Variants in WWTR1 observed in about 807,000 individuals in gnomAD.
WWTR1 encodes the protein WW domain-containing transcription regulator protein 1.
A neutral mutation model predicts 40.1 loss-of-function variants in WWTR1; 13 were observed. That is an observed-to-expected ratio of 0.32 (90% CI 0.21 to 0.52). The LOEUF is 0.52. WWTR1 is among the 20% of genes least tolerant of loss of function. WWTR1 has a pLI of 0.97. For synonymous variants in WWTR1, 230 were observed against 210.1 expected, an observed-to-expected ratio of 1.09 and a Z score of -0.82; for missense variants, 436 against 523.1, an observed-to-expected ratio of 0.83 and a Z score of 1.63.
At chr3:149,658,892 C>T (rs1713428215), upstream of WWTR1, among the ~76,000 whole-genome samples, 1 of 152,164 alleles carries the variant, frequency 6.6e-6, no homozygotes, top group Non-Finnish European at 1.5e-5. Context: ...TGCCGCCCTC[C>T]GGGGAGCCTG....
At chr3:149,674,056 C>A (rs75892932) in intron 1 of WWTR1, among the ~76,000 whole-genome samples, 147 of 121,838 alleles carry the variant, frequency 1.2e-3, no homozygotes, top group Non-Finnish European at 1.3e-3. Flanking sequence ...CTCGTCTCTA[C>A]AAAAAAAAAA....
intron 1 of WWTR1, among the ~76,000 whole-genome samples, chr3:149,691,189 A>G (rs1272477929): frequency 6.6e-6 from 1 of 152,072 alleles, no homozygotes; most frequent in African/African-American, 2.4e-5. Context: ...GAAAGTTTAT[A>G]GCAATAAATG....
At position 149,565,915 on chromosome 3, in the gene WWTR1, C is replaced by T. The variant is rs528572227; in HGVS notation, c.568+6949G>A. On this transcript the variant is annotated intron_variant, in intron 3 of 6. Coordinates refer to ENST00000360632, the MANE Select transcript of WWTR1 (RefSeq NM_015472.6). ...TGCACTCCAGCCTGAGCAACAAGAG[C>T]GAAACTCTGTCTCAAAAAAAAAAAA... Among the ~76,000 whole-genome samples the T allele has an allele frequency of 8.4e-5, 11 of 130,830 alleles. No individual in the cohort carries two copies. The East Asian group carries it at 2.6e-3, about 31-fold the overall frequency. The allele number at this position is 130,830 out of a possible 152,430, so 85.8% of individuals were successfully genotyped here.
intron 4 of WWTR1, chr3:149,540,960 A>G: frequency 2.2e-6 from 1 of 449,678 alleles, no homozygotes; most frequent in Admixed American, 2.5e-5. Context: ...CATTCATGGA[A>G]GTCAATGTGT....
intron 5 of WWTR1, among the ~76,000 whole-genome samples, chr3:149,710,566 C>T (rs1198309330): frequency 1.6e-4 from 10 of 62,524 alleles, no homozygotes; most frequent in East Asian, 4.8e-4. Flanking sequence ...TCATTATCCC[C>T]GCCTCCCCCC....
intron 4 of WWTR1, among the ~76,000 whole-genome samples, chr3:149,539,426 G>T (rs759806141): frequency 6.6e-6 from 1 of 152,158 alleles, no homozygotes; most frequent in Admixed American, 6.5e-5. Flanking sequence ...GACAGGCTCA[G>T]TTGGTAGAAG....
chr3:149,536,755 TAAA>T lies in WWTR1; in HGVS notation c.771+5577_771+5579del, dbSNP rs5853412. On this transcript the variant is annotated intron_variant, in intron 4 of 6. Coordinates refer to ENST00000360632, the MANE Select transcript of WWTR1 (RefSeq NM_015472.6). ...TTCTCCTGTCCCCCAACCCCCAAAT[TAAA>T]AAAAAAAAAAAAAAGAAAGAAAAGG... Among the ~76,000 whole-genome samples the T allele has an allele frequency of 8.7e-3, 1,241 of 142,364 alleles. 26 individuals carry two copies. Among genetic ancestry groups the T allele is most frequent in the African/African-American group, 0.03 (1,175 of 39,378 alleles). 93.4% of individuals were successfully genotyped at this position (142,364 alleles called of 152,430 possible).
rs769836377 is a variant in WWTR1, at chr3:149,656,999, G to A, written c.308C>T (p.Ala103Val). 5.0e-6 allele frequency: 8 copies of A among 1,597,358 alleles called. No individual in the cohort carries two copies. The highest frequency in any genetic ancestry group is 1.7e-5 in the Admixed American group (1 of 59,150). The change falls in exon 2 of 7, where the codon GCG (alanine) becomes GTG (valine). Residue 103 changes from alanine to valine, a missense_variant. Coordinates refer to ENST00000360632, the MANE Select transcript of WWTR1 (RefSeq NM_015472.6). ...SLQLGTGAGA[A>V]GSPAQQHAHL... ...CGCGTGCTGCTGCGCGGGGCTACCC[G>A]CAGCACCCGCGCCGGTGCCCAGCTG...
At chr3:149,637,829 T>C (rs988617527) in intron 2 of WWTR1, among the ~76,000 whole-genome samples, 23 of 152,148 alleles carry the variant, frequency 1.5e-4, no homozygotes, top group Non-Finnish European at 1.5e-5. Flanking sequence ...TAAGTCTTAA[T>C]AGACCAAGCA....
intron 3 of WWTR1, among the ~76,000 whole-genome samples, chr3:149,566,336 T>C (rs1022735520): frequency 5.9e-5 from 9 of 152,148 alleles, no homozygotes; most frequent in African/African-American, 2.2e-4. Context: ...CTACAACACC[T>C]ACAACACCCA....
At chr3:149,694,070 G>A (rs1714903780) in intron 1 of WWTR1, among the ~76,000 whole-genome samples, 1 of 152,162 alleles carries the variant, frequency 6.6e-6, no homozygotes, top group Admixed American at 6.5e-5. Context: ...AGCGAAGTGG[G>A]AGAAAATATT....
intron 5 of WWTR1, among the ~76,000 whole-genome samples, chr3:149,714,696 G>A (rs1715559340): frequency 1.3e-5 from 2 of 152,176 alleles, no homozygotes; most frequent in Admixed American, 1.3e-4. Flanking sequence ...GAATGGGGTG[G>A]GTCCCCAGGA....
chr3:149,680,476 G>A (rs187774546), intron 1 of WWTR1, among the ~76,000 whole-genome samples: 13 of 152,142 alleles, frequency 8.5e-5, no homozygotes, highest in Admixed American at 6.5e-4. Context: ...CCCAGGAGGC[G>A]GAGGTTGCAG....
At chr3:149,686,243 T>C (rs1386793521) in intron 1 of WWTR1, among the ~76,000 whole-genome samples, 1 of 152,204 alleles carries the variant, frequency 6.6e-6, no homozygotes, top group Non-Finnish European at 1.5e-5. Context: ...CGAGCTTGGT[T>C]TTCAGGCTAG....
intron 3 of WWTR1, among the ~76,000 whole-genome samples, chr3:149,543,897 T>C (rs1736251722): frequency 6.7e-6 from 1 of 149,946 alleles, no homozygotes; most frequent in African/African-American, 2.4e-5. Context: ...AAACATTTTA[T>C]AATATATGTA....
At chr3:149,671,834 A>G (rs1034435818) in intron 1 of WWTR1, among the ~76,000 whole-genome samples, 4 of 152,164 alleles carry the variant, frequency 2.6e-5, no homozygotes, top group Non-Finnish European at 5.9e-5. Context: ...TCTCTGCATT[A>G]AAAATGTTTG....
chr3:149,558,453 C>T (rs745733689), intron 3 of WWTR1, among the ~76,000 whole-genome samples: 1 of 152,144 alleles, frequency 6.6e-6, no homozygotes, highest in African/African-American at 2.4e-5. Flanking sequence ...ACCTGGTAGA[C>T]CAAAAAGCCT....
intron 2 of WWTR1, among the ~76,000 whole-genome samples, chr3:149,631,514 T>C (rs1711548235): frequency 6.6e-6 from 1 of 152,198 alleles, no homozygotes; most frequent in South Asian, 2.1e-4. Context: ...CAAATATAAG[T>C]GCCAATGGAT....
At chr3:149,703,454 A>G (rs1715256095), upstream of WWTR1, 3 of 152,272 alleles carry the variant, frequency 2.0e-5, 1 homozygote, top group Admixed American at 1.3e-4. Flanking sequence ...GAACACATTT[A>G]CAAAGCTATT....
Sources: allele counts gnomAD v4.1 joint callset (sites outside exome capture counted in the v4.1 genomes callset), GRCh38; gene constraint gnomAD v4.1.1; transcripts MANE v1.5; gene names NCBI Gene and HGNC (gene_info 2026-07-23, HGNC 2026-07-21).